The following SYTL3 variants were observed in gnomAD, a reference collection of about 807,000 sequenced individuals.
The protein encoded by SYTL3 is synaptotagmin-like protein 3.
SYTL3 carries 88 observed loss-of-function variants against 82.1 expected under a neutral mutation model. The observed-to-expected ratio is 1.07, with a 90% CI of 0.90 to 1.28. The LOEUF (loss-of-function observed/expected upper bound fraction) is 1.28. SYTL3 is among the 50% of genes most tolerant of loss of function. SYTL3 has a pLI of 0.00. For synonymous variants in SYTL3, 311 were observed against 289.4 expected, an observed-to-expected ratio of 1.07 and a Z score of -0.76; for missense variants, 831 against 757.6, an observed-to-expected ratio of 1.10 and a Z score of -1.14.
At chr6:158,725,849 C>T in intron 11 of SYTL3, 1 of 724,238 alleles carries the variant, frequency 1.4e-6, no homozygotes, top group South Asian at 1.6e-5. Context: ...CTTGGAGTTA[C>T]TCCAGGTGTG....
chr6:158,645,700 C>G (rs1387052303), upstream of SYTL3, among the ~76,000 whole-genome samples: 1 of 152,140 alleles, frequency 6.6e-6, no homozygotes, highest in Non-Finnish European at 1.5e-5. Context: ...CGGACTGTAA[C>G]CTGGTCGGTC....
At chr6:158,677,405 T>C (rs1778167079) in intron 5 of SYTL3, among the ~76,000 whole-genome samples, 1 of 151,964 alleles carries the variant, frequency 6.6e-6, no homozygotes, top group Non-Finnish European at 1.5e-5. Flanking sequence ...CGGGGAATGT[T>C]GTGGGGAGCG....
chr6:158,725,917 C>G (rs1169894533), intron 11 of SYTL3: 5 of 686,780 alleles, frequency 7.3e-6, no homozygotes, highest in Non-Finnish European at 1.4e-5. Flanking sequence ...TATAATGCAG[C>G]ATTCTGCAAC....
At chr6:158,702,425 T>G (rs116677709) in intron 6 of SYTL3, among the ~76,000 whole-genome samples, 4,609 of 151,484 alleles carry the variant, frequency 0.03, 277 homozygotes, top group African/African-American at 0.11. Context: ...TGGTCTCTTC[T>G]GCCTCCTGGA....
At chr6:158,721,668 T>A (rs1316211420) in intron 10 of SYTL3, among the ~76,000 whole-genome samples, 3 of 152,244 alleles carry the variant, frequency 2.0e-5, no homozygotes, top group Non-Finnish European at 4.4e-5. Flanking sequence ...AGTCTCATTC[T>A]GTTGCCCAGG....
intron 11 of SYTL3, among the ~76,000 whole-genome samples, chr6:158,744,732 G>C (rs1218238431): frequency 6.6e-6 from 1 of 152,182 alleles, no homozygotes; most frequent in Non-Finnish European, 1.5e-5. Flanking sequence ...AGGCAGCACA[G>C]AGATTGGTTG....
chr6:158,735,456 A>G (rs1393611775), intron 11 of SYTL3, among the ~76,000 whole-genome samples: 1 of 152,218 alleles, frequency 6.6e-6, no homozygotes, highest in Non-Finnish European at 1.5e-5. Flanking sequence ...CTTAAAATTT[A>G]TAATCATGTT....
At chr6:158,652,567 CAG>C (rs535149892) in intron 2 of SYTL3, among the ~76,000 whole-genome samples, 79 of 149,392 alleles carry the variant, frequency 5.3e-4, no homozygotes, top group African/African-American at 1.9e-3. Flanking sequence ...TTTTTTGAGA[CAG>C]AGTCTCGCTC....
At chr6:158,657,586 A>G (rs1788844222) in intron 2 of SYTL3, among the ~76,000 whole-genome samples, 1 of 152,208 alleles carries the variant, frequency 6.6e-6, no homozygotes. Context: ...GGAAAAATAG[A>G]CTATGACTCT....
At chr6:158,656,447 C>T (rs114233476) in intron 2 of SYTL3, among the ~76,000 whole-genome samples, 8,879 of 152,206 alleles carry the variant, frequency 0.058, 517 homozygotes, top group African/African-American at 0.15. Context: ...CATCCTTGGC[C>T]GGGTGCGATG....
At position 158,751,932 on chromosome 6, in the gene SYTL3, GT is replaced by G; in HGVS notation, c.1040del (p.Val347GlyfsTer32). 6.3e-7 allele frequency: 1 copy of G among 1,596,968 alleles called. No individual in the cohort carries two copies. Among genetic ancestry groups the G allele is most frequent in the Non-Finnish European group, 8.5e-7 (1 of 1,172,218 alleles). ...EEKKKKCNPY[V>X]KTYLLPDRSS... ...CCCGCTGTGTTTGGCCCCTAGGTAT[GT>G]GAAGACCTACCTGTTGCCCGACAGA... On this transcript the variant is annotated frameshift_variant, in exon 13 of 18. Coordinates refer to ENST00000611299, the MANE Select transcript of SYTL3 (RefSeq NM_001242394.2). LOFTEE classifies it high-confidence loss of function.
intron 5 of SYTL3, among the ~76,000 whole-genome samples, chr6:158,673,188 G>A (rs1489825409): frequency 1.3e-5 from 2 of 152,008 alleles, no homozygotes; most frequent in East Asian, 1.9e-4. Context: ...TTGGCCTCTC[G>A]AAGTGCTAGG....
intron 12 of SYTL3, among the ~76,000 whole-genome samples, chr6:158,749,635 A>G (rs1234055155): frequency 1.4e-5 from 2 of 146,920 alleles, no homozygotes; most frequent in Admixed American, 1.4e-4. Flanking sequence ...ACAGGTGCAC[A>G]CCACCGTGCC....
intron 6 of SYTL3, among the ~76,000 whole-genome samples, chr6:158,696,235 C>T (rs149459095): frequency 4.9e-4 from 75 of 152,162 alleles, no homozygotes; most frequent in African/African-American, 1.7e-3. Context: ...GAGTCTCACT[C>T]TGTTGCCAGG....
chr6:158,679,575 C>T (rs1279625015), intron 5 of SYTL3, among the ~76,000 whole-genome samples: 1 of 114,204 alleles, frequency 8.8e-6, no homozygotes, highest in African/African-American at 8.3e-5. Flanking sequence ...GGTATTTTTA[C>T]TTTATTCTTT....
chr6:158,672,444 A>G (rs567274819), intron 5 of SYTL3, among the ~76,000 whole-genome samples: 3 of 152,120 alleles, frequency 2.0e-5, no homozygotes, highest in Non-Finnish European at 4.4e-5. Flanking sequence ...AAATGCAGCC[A>G]TGTTGCCTTT....
intron 10 of SYTL3, among the ~76,000 whole-genome samples, chr6:158,722,481 C>G (rs1057322765): frequency 6.6e-6 from 1 of 152,156 alleles, no homozygotes; most frequent in African/African-American, 2.4e-5. Context: ...CACCACTTCT[C>G]TGTTAAGTTT....
intron 6 of SYTL3, among the ~76,000 whole-genome samples, chr6:158,697,162 G>A (rs1391336295): frequency 6.6e-6 from 1 of 151,616 alleles, no homozygotes; most frequent in East Asian, 1.9e-4. Context: ...GGGGAAGCTG[G>A]GCGTGGTGGC....
chr6:158,648,304 A>T (rs1787620135), upstream of SYTL3, among the ~76,000 whole-genome samples: 1 of 151,854 alleles, frequency 6.6e-6, no homozygotes, highest in East Asian at 1.9e-4. Flanking sequence ...AAAAAATAAA[A>T]TAATAGGCCA....
Sources: allele counts gnomAD v4.1 joint callset (sites outside exome capture counted in the v4.1 genomes callset), GRCh38; gene constraint gnomAD v4.1.1; transcripts MANE v1.5; gene names NCBI Gene and HGNC (gene_info 2026-07-23, HGNC 2026-07-21).